The following ST6GALNAC1 variants were observed in gnomAD, a reference collection of about 807,000 sequenced individuals.
ST6GALNAC1 encodes the protein ST6 N-acetylgalactosaminide alpha-2,6-sialyltransferase 1.
A neutral mutation model predicts 56.8 loss-of-function variants in ST6GALNAC1; 45 were observed. That is an observed-to-expected ratio of 0.79 (90% CI 0.62 to 1.02). ST6GALNAC1 has a LOEUF of 1.02. Among genes scored for constraint, ST6GALNAC1 ranks in the 50% least tolerant of loss-of-function variants. The pLI, the probability that ST6GALNAC1 is intolerant of heterozygous loss-of-function variation, is 0.00. For missense variants in ST6GALNAC1, 743 were observed against 754.8 expected, an observed-to-expected ratio of 0.98 and a Z score of 0.18; for synonymous variants, 295 against 297.8, an observed-to-expected ratio of 0.99 and a Z score of 0.10.
chr17:76,638,997 G>C (rs1056701225), intron 1 of ST6GALNAC1, among the ~76,000 whole-genome samples: 1 of 152,022 alleles, frequency 6.6e-6, no homozygotes, highest in Non-Finnish European at 1.5e-5. Context: ...CCTCGCTCAC[G>C]GTCTCATTAA....
chr17:76,626,944 G>A (rs2075808809), intron 4 of ST6GALNAC1, 123 bp downstream of exon 4: 8 of 1,444,740 alleles, frequency 5.5e-6, no homozygotes, highest in Non-Finnish European at 7.5e-6. Flanking sequence ...TGCAGGCGTG[G>A]AACATCCTAT....
rs535794986 is a variant in ST6GALNAC1 at position 76,636,090 on chromosome 17, T to C, written c.132-6379A>G. 2.0e-5 allele frequency among the ~76,000 whole-genome samples: 3 copies of C among 152,332 alleles called. No individual in the cohort carries two copies. The East Asian group carries it at 5.8e-4, about 29-fold the overall frequency. On this transcript the variant is annotated intron_variant, in intron 1 of 8. Coordinates refer to ENST00000156626, the MANE Select transcript of ST6GALNAC1 (RefSeq NM_018414.5). ...AAAAAGCAGAAACTGCCTTAAAACA[T>C]GAAAGGATAGCAACCTCCTATTATC...
At chr17:76,625,621 T>C (rs534264541) in intron 8 of ST6GALNAC1, 94 bp from the exon 9 acceptor site, 2 of 1,459,680 alleles carry the variant, frequency 1.4e-6, no homozygotes, top group East Asian at 4.7e-5. Flanking sequence ...GGGGGTTCTT[T>C]TCCCTGGCTC....
Position 76,627,613 on chromosome 17 carries a change from G to C in ST6GALNAC1, c.832-30C>G. 1.2e-6 allele frequency: 2 copies of C among 1,607,518 alleles called. No individual in the cohort carries two copies. Among genetic ancestry groups the C allele is most frequent in the Non-Finnish European group, 1.7e-6 (2 of 1,176,642 alleles). On this transcript the variant is annotated intron_variant, in intron 2 of 8. Coordinates refer to ENST00000156626, the MANE Select transcript of ST6GALNAC1 (RefSeq NM_018414.5). The surrounding 1 kb of genome is among the most constrained non-coding windows in gnomAD (Gnocchi z 4.4). The stretch of plus-strand genomic sequence containing the variant: ...ATACAGGAGGACGAAGTCAGGAAGG[G>C]AGAGACCCAGAAAGGCCATCGGCCA...
In ST6GALNAC1 at chr17:76,640,485, GC is replaced by G. The variant is rs547374114; in HGVS notation, c.131+3022del. Among the ~76,000 whole-genome samples, 981 of 152,202 alleles carry G rather than the reference GC, an allele frequency of 6.4e-3. 12 individuals are homozygous for G. The highest frequency in any genetic ancestry group is 0.022 in the African/African-American group (902 of 41,520). ...CAGCCCATTCCCACCCCAAAACATC[GC>G]CCCAGGAGGACTCTAACCCTCTGAG... On this transcript the variant is annotated intron_variant, in intron 1 of 8. Transcript: ENST00000156626.
In ST6GALNAC1 at chr17:76,625,428, A is replaced by G; in HGVS notation, c.1705T>C (p.Phe569Leu). 1.2e-6 allele frequency: 2 copies of G among 1,614,168 alleles called. No homozygotes were observed. Among genetic ancestry groups the G allele is most frequent in the Non-Finnish European group, 1.7e-6 (2 of 1,180,030 alleles). The change falls in exon 9 of 9, where the codon TTC becomes CTC. Residue 569 changes from phenylalanine to leucine, a missense_variant. Physicochemically the swap from Phe to Leu is conservative, Grantham distance 22. Coordinates refer to ENST00000156626, the MANE Select transcript of ST6GALNAC1 (RefSeq NM_018414.5). Reference protein sequence around the residue: ...KRLIFYINHDFKLEREVWKRL... With the variant: ...KRLIFYINHDLKLEREVWKRL... Reference sequence around the variant, plus strand: ...TTCCAGACTTCTCTCTCCAGCTTGAAGTCATGGTTTATGTAAAAGATCAGC... The same window carrying G: ...TTCCAGACTTCTCTCTCCAGCTTGAGGTCATGGTTTATGTAAAAGATCAGC...
At chr17:76,625,690 T>C in intron 8 of ST6GALNAC1, 129 bp downstream of exon 8, 1 of 1,126,542 alleles carries the variant, frequency 8.9e-7, no homozygotes, top group South Asian at 1.6e-5. Context: ...CATGCACCCA[T>C]ACTCATGCCC....
chr17:76,632,213 G>C (rs151008101), intron 1 of ST6GALNAC1, among the ~76,000 whole-genome samples: 1 of 152,096 alleles, frequency 6.6e-6, no homozygotes, highest in Non-Finnish European at 1.5e-5. Flanking sequence ...TCCAAACTCC[G>C]GCAGCCCTCG....
rs72879701 is a variant in ST6GALNAC1 at position 76,631,108 on chromosome 17, C to T, written c.132-1397G>A. ...GTGTGTGTGTGTGTGCACGCGTGCG[C>T]GAGCACTTGTGTGTGTTTAGAGACT... On this transcript the variant is annotated intron_variant, in intron 1 of 8. Coordinates refer to ENST00000156626, the MANE Select transcript of ST6GALNAC1 (RefSeq NM_018414.5). Among the ~76,000 whole-genome samples, 1,030 of 143,136 alleles carry T rather than the reference C, an allele frequency of 7.2e-3. 8 individuals are homozygous for T. The highest frequency in any genetic ancestry group is 7.6e-3 in the Middle Eastern group (2 of 262). 93.9% of individuals were successfully genotyped at this position (143,136 alleles called of 152,430 possible).
At chr17:76,634,743 G>A (rs1163184686) in intron 1 of ST6GALNAC1, among the ~76,000 whole-genome samples, 2 of 152,038 alleles carry the variant, frequency 1.3e-5, no homozygotes, top group African/African-American at 4.8e-5. Context: ...AATTAGCTGG[G>A]CATGGTGGTG....
chr17:76,634,385 A>T (rs535973301), intron 1 of ST6GALNAC1, among the ~76,000 whole-genome samples: 22 of 151,596 alleles, frequency 1.5e-4, no homozygotes, highest in Admixed American at 5.9e-4. Flanking sequence ...GTCCCTCTCC[A>T]CTCCCTGCTG....
chr17:76,619,736 G>A, the ST6GALNAC1 span, among the ~76,000 whole-genome samples: 4 of 114,042 alleles, frequency 3.5e-5, no homozygotes, highest in Non-Finnish European at 6.9e-5. Context: ...TTTTAATAAT[G>A]TTAGTTTTTT....
At chr17:76,632,958 C>A (rs2075925232) in intron 1 of ST6GALNAC1, among the ~76,000 whole-genome samples, 1 of 152,294 alleles carries the variant, frequency 6.6e-6, no homozygotes, top group South Asian at 2.1e-4. Flanking sequence ...ATAGAGCCAG[C>A]ATTTTGGGAG....
At chr17:76,619,183 T>C in the ST6GALNAC1 span, among the ~76,000 whole-genome samples, 1 of 152,176 alleles carries the variant, frequency 6.6e-6, no homozygotes, top group Non-Finnish European at 1.5e-5. Context: ...TGTTCCAGGT[T>C]CATTTTGTAC....
chr17:76,622,072 T>A (rs577043340), downstream of ST6GALNAC1, among the ~76,000 whole-genome samples: 2 of 151,640 alleles, frequency 1.3e-5, no homozygotes, highest in East Asian at 3.9e-4. Flanking sequence ...GTCCTGGGAT[T>A]ACAGGTGTGA....
At chr17:76,639,461 A>T (rs1420279367) in intron 1 of ST6GALNAC1, among the ~76,000 whole-genome samples, 1 of 152,086 alleles carries the variant, frequency 6.6e-6, no homozygotes, top group Non-Finnish European at 1.5e-5. Context: ...CTGTAGTCCC[A>T]GCTACTCTGG....
At chr17:76,618,653 C>T in the ST6GALNAC1 span, among the ~76,000 whole-genome samples, 4 of 151,926 alleles carry the variant, frequency 2.6e-5, no homozygotes, top group African/African-American at 4.8e-5. Flanking sequence ...TGGTGGCAGG[C>T]GCATGTAGTC....
At chr17:76,623,298 C>G (rs971536444), downstream of ST6GALNAC1, among the ~76,000 whole-genome samples, 10 of 151,824 alleles carry the variant, frequency 6.6e-5, no homozygotes, top group Non-Finnish European at 1.5e-5. Flanking sequence ...TAGAGGTAGA[C>G]CTCTCTCATA....
At position 76,643,731 on chromosome 17, in the gene ST6GALNAC1, G is replaced by T. The variant is rs568805910; in HGVS notation, c.-93C>A. ...CTCACCGCTCAGGTTTCCTGGCCAG[G>T]AAGTGCACACCCTTTGTCTTAACAA... On this transcript the variant is annotated 5_prime_UTR_variant, in exon 1 of 9. Coordinates refer to ENST00000156626, the MANE Select transcript of ST6GALNAC1 (RefSeq NM_018414.5). 90 of 1,298,398 alleles carry T rather than the reference G, an allele frequency of 6.9e-5. 1 individual carries two copies. In the Admixed American group the frequency reaches 1.4e-3, roughly 20 times the overall value. The allele number at this position is 1,298,398 out of a possible 1,614,324, so 80.4% of individuals were successfully genotyped here. A position where few individuals can be genotyped will look rare whatever the true frequency, so the allele number is the denominator to read the frequency against.
Sources: allele counts gnomAD v4.1 joint callset (sites outside exome capture counted in the v4.1 genomes callset), GRCh38; gene constraint gnomAD v4.1.1; non-coding constraint Gnocchi (gnomAD v3.1); transcripts MANE v1.5; gene names NCBI Gene and HGNC (gene_info 2026-07-23, HGNC 2026-07-21).